The following ENOX1 variants were observed in gnomAD, a reference collection of about 807,000 sequenced individuals.
The protein encoded by ENOX1 is candidate growth-related and time keeping constitutive hydroquinone (NADH) oxidase.
A neutral mutation model predicts 82.5 loss-of-function variants in ENOX1; 42 were observed. The ratio of observed to expected loss-of-function variants is 0.51; its 90% CI spans 0.40 to 0.66. The LOEUF (loss-of-function observed/expected upper bound fraction) is 0.66, where lower values mean the gene tolerates loss of function less well. Ranked by LOEUF, ENOX1 falls within the 30% of genes least tolerant of loss-of-function variation. The probability of loss-of-function intolerance (pLI) is 0.00; values close to 1 mark genes in which losing one functional copy is unlikely to be tolerated. For missense variants in ENOX1, 608 were observed against 811.6 expected (o/e 0.75, Z 3.05); for synonymous variants, 271 against 282.2 (o/e 0.96, Z 0.40).
chr13:43,750,920 T>C (rs928525190), intron 1 of ENOX1, among the ~76,000 whole-genome samples: 8 of 152,194 alleles, frequency 5.3e-5, no homozygotes, highest in African/African-American at 1.9e-4. Flanking sequence ...GTGAGAATAA[T>C]CTTCCTGGAA....
At chr13:43,337,127 A>C (rs2048758587) in intron 9 of ENOX1, among the ~76,000 whole-genome samples, 1 of 152,250 alleles carries the variant, frequency 6.6e-6, no homozygotes, top group African/African-American at 2.4e-5. Flanking sequence ...CATTGAGATC[A>C]CGGTTTACTA....
intron 2 of ENOX1, among the ~76,000 whole-genome samples, chr13:43,506,424 G>A (rs199675942): frequency 0.013 from 1,745 of 137,176 alleles, 31 homozygotes; most frequent in African/African-American, 0.04. Context: ...GGAAGTCGGT[G>A]TGGCGATTCC....
At chr13:43,583,965 G>A (rs1369703983) in intron 2 of ENOX1, among the ~76,000 whole-genome samples, 4 of 152,074 alleles carry the variant, frequency 2.6e-5, no homozygotes, top group South Asian at 2.1e-4. Flanking sequence ...GAAGACTTGC[G>A]AAGAATAGTT....
At chr13:43,266,677 G>A (rs1360497144) in intron 13 of ENOX1, among the ~76,000 whole-genome samples, 1 of 152,216 alleles carries the variant, frequency 6.6e-6, no homozygotes, top group Non-Finnish European at 1.5e-5. Flanking sequence ...AGGCAGAGGT[G>A]TGCCACAATA....
intron 2 of ENOX1, among the ~76,000 whole-genome samples, chr13:43,484,720 C>T (rs956963227): frequency 6.6e-6 from 1 of 152,162 alleles, no homozygotes; most frequent in East Asian, 1.9e-4. Flanking sequence ...GATAATGCTG[C>T]AACATACTAA....
At position 43,478,846 on chromosome 13, in the gene ENOX1, A is replaced by G. The variant is rs549498273; in HGVS notation, c.-75+5163T>C. On this transcript the variant is annotated intron_variant, in intron 3 of 16. Coordinates refer to ENST00000690772, the MANE Select transcript of ENOX1 (RefSeq NM_001347969.2). ...ACTGGGGAATTCAATGATTTCTTAA[A>G]CCCAAAGAAAATAGTAGTGAATGAT... Among the ~76,000 whole-genome samples the G allele has an allele frequency of 3.3e-5, 5 of 152,286 alleles. No individual in the cohort carries two copies. In the South Asian group the frequency reaches 1.0e-3, roughly 32 times the overall value.
intron 12 of ENOX1, among the ~76,000 whole-genome samples, chr13:43,295,942 G>A (rs1256178085): frequency 6.6e-6 from 1 of 152,140 alleles, no homozygotes; most frequent in Non-Finnish European, 1.5e-5. Flanking sequence ...CGGGGACCCA[G>A]TGCTTTCTGT....
At chr13:43,254,604 G>A (rs1050705544) in intron 14 of ENOX1, among the ~76,000 whole-genome samples, 10 of 152,144 alleles carry the variant, frequency 6.6e-5, no homozygotes, top group African/African-American at 2.4e-4. Context: ...TATTATCCAT[G>A]AGAACAAAAA....
chr13:43,416,405 C>T (rs1213211010), intron 3 of ENOX1, among the ~76,000 whole-genome samples: 9,340 of 70,888 alleles, frequency 0.13, 23 homozygotes, highest in Admixed American at 0.15. Context: ...CGGACAGAAG[C>T]GCTCCTCACA....
chr13:43,231,618 C>T (rs1468907004), intron 15 of ENOX1, among the ~76,000 whole-genome samples: 2 of 152,188 alleles, frequency 1.3e-5, no homozygotes, highest in Non-Finnish European at 2.9e-5. Context: ...CCCTTAACAA[C>T]TTCTTTATCC....
intron 1 of ENOX1, among the ~76,000 whole-genome samples, chr13:43,716,039 G>A (rs2088103703): frequency 6.6e-6 from 1 of 152,156 alleles, no homozygotes; most frequent in South Asian, 2.1e-4. Flanking sequence ...GATCATCTCT[G>A]AAGCCTTCTT....
Position 43,632,172 on chromosome 13 carries a change from T to C in ENOX1, c.-219+35307A>G, listed in dbSNP as rs527323680. Among the ~76,000 whole-genome samples the C allele has an allele frequency of 1.6e-4, 24 of 152,306 alleles. No homozygotes were observed. In the South Asian group the frequency reaches 4.6e-3, roughly 29 times the overall value. ...TGATTATATTAACCCTATGTCTATGTCTGTCATATTTGTTTAAAATAATTT... is the reference window on the plus strand; with the variant it reads ...TGATTATATTAACCCTATGTCTATGCCTGTCATATTTGTTTAAAATAATTT... On this transcript the variant is annotated intron_variant, in intron 2 of 16. Coordinates refer to ENST00000690772, the MANE Select transcript of ENOX1 (RefSeq NM_001347969.2).
chr13:43,352,821 T>G (rs1156257853), intron 8 of ENOX1, among the ~76,000 whole-genome samples: 2 of 152,172 alleles, frequency 1.3e-5, no homozygotes, highest in East Asian at 1.9e-4. Flanking sequence ...CAGAAGATCC[T>G]CCCTCTCTCA....
chr13:43,543,169 G>A (rs2078817569), intron 2 of ENOX1, among the ~76,000 whole-genome samples: 1 of 152,084 alleles, frequency 6.6e-6, no homozygotes, highest in African/African-American at 2.4e-5. Flanking sequence ...GAAGGTGAAG[G>A]TTGTTCTTTC....
intron 16 of ENOX1, among the ~76,000 whole-genome samples, chr13:43,215,266 T>G (rs1339107825): frequency 6.6e-6 from 1 of 152,232 alleles, no homozygotes; most frequent in African/African-American, 2.4e-5. Flanking sequence ...TCAATATTCC[T>G]GGGCCTATAA....
intron 5 of ENOX1, among the ~76,000 whole-genome samples, chr13:43,364,853 G>A (rs750479799): frequency 6.6e-6 from 1 of 152,200 alleles, no homozygotes; most frequent in Non-Finnish European, 1.5e-5. Context: ...GAGGCTCAGA[G>A]GACACAGAGA....
At chr13:43,626,609 T>A (rs1466778567) in intron 2 of ENOX1, among the ~76,000 whole-genome samples, 1 of 151,888 alleles carries the variant, frequency 6.6e-6, no homozygotes, top group African/African-American at 2.4e-5. Flanking sequence ...ATTGTCCTCT[T>A]ATATTTCTGT....
chr13:43,435,725 C>A (rs1452513414), intron 3 of ENOX1, among the ~76,000 whole-genome samples: 1 of 152,122 alleles, frequency 6.6e-6, no homozygotes, highest in Non-Finnish European at 1.5e-5. Flanking sequence ...ATTCTGCCTG[C>A]TAATCAGTCT....
chr13:43,359,699 T>C, intron 7 of ENOX1, 152 bp downstream of exon 7: 2 of 686,272 alleles, frequency 2.9e-6, no homozygotes, highest in Non-Finnish European at 4.9e-6. Flanking sequence ...GCGCAGAGCT[T>C]CTGGCAGCCA....
Sources: allele counts gnomAD v4.1 joint callset (sites outside exome capture counted in the v4.1 genomes callset), GRCh38; gene constraint gnomAD v4.1.1; transcripts MANE v1.5; gene names NCBI Gene and HGNC (gene_info 2026-07-23, HGNC 2026-07-21).